SART1: variants seen among roughly 807,000 people sequenced by gnomAD.
The protein encoded by SART1 is U4/U6.U5 tri-snRNP-associated protein 1.
A neutral mutation model predicts 105.0 loss-of-function variants in SART1; 28 were observed. The observed-to-expected ratio is 0.27, with a 90% CI of 0.20 to 0.37. SART1 has a LOEUF of 0.37. SART1 is among the 10% of genes least tolerant of loss of function. The pLI, the probability that SART1 is intolerant of heterozygous loss-of-function variation, is 1.00. For synonymous variants in SART1, 472 were observed against 462.9 expected (o/e 1.02, Z -0.25); for missense variants, 894 against 1,106.5 (o/e 0.81, Z 2.72).
At position 65,966,372 on chromosome 11, in the gene SART1, C is replaced by T. The variant is rs761707434; in HGVS notation, c.1004C>T (p.Ser335Phe). 1.5e-5 allele frequency: 24 copies of T among 1,613,894 alleles called. No homozygotes were observed. Among genetic ancestry groups the T allele is most frequent in the Non-Finnish European group, 1.9e-5 (22 of 1,180,034 alleles). Reference protein sequence around the residue: ...LAQQKPRSILSKYDEELEGER... With the variant: ...LAQQKPRSILFKYDEELEGER... ...CAGCAAAAACCTCGCTCTATCCTGT[C>T]CAAGTATGACGAAGAGCTTGAAGGG... Residue 335 changes from serine to phenylalanine, a missense_variant, in exon 9 of 20, where the codon TCC (serine) becomes TTC (phenylalanine). This residue lies in a region of SART1 where 712 missense variants were observed against 778.2 expected (regional missense o/e 0.91). Coordinates refer to ENST00000312397, the MANE Select transcript of SART1 (RefSeq NM_005146.5).
At chr11:65,962,358 T>C (rs1433013702) in intron 1 of SART1, among the ~76,000 whole-genome samples, 3 of 152,188 alleles carry the variant, frequency 2.0e-5, no homozygotes, top group Admixed American at 2.0e-4. Flanking sequence ...TACGGTTGTT[T>C]AGGATTAGAG....
In SART1 at chr11:65,966,371, T is replaced by C. The variant is rs1855257243; in HGVS notation, c.1003T>C (p.Ser335Pro). Residue 335 changes from serine (S) to proline (P), a missense_variant, in exon 9 of 20, where the codon TCC (serine) becomes CCC (proline). Coordinates refer to ENST00000312397, the MANE Select transcript of SART1 (RefSeq NM_005146.5). ...GCAGCAAAAACCTCGCTCTATCCTG[T>C]CCAAGTATGACGAAGAGCTTGAAGG... is the stretch of plus-strand genomic sequence containing the variant. The part of the protein sequence containing the change: ...LAQQKPRSIL[S>P]KYDEELEGER... 6.2e-7 allele frequency: 1 copy of C among 1,613,854 alleles called. No homozygotes were observed. Among genetic ancestry groups the C allele is most frequent in the Non-Finnish European group, 8.5e-7 (1 of 1,180,022 alleles).
At chr11:65,972,224 C>T (rs1459703006) in intron 12 of SART1, among the ~76,000 whole-genome samples, 1 of 152,074 alleles carries the variant, frequency 6.6e-6, no homozygotes, top group African/African-American at 2.4e-5. Flanking sequence ...AAAGTAGGGG[C>T]ATTGTGGCAG....
rs776899553 is a variant in SART1 at position 65,961,776 on chromosome 11, C to T, written c.-5C>T. ...GGCAGCCGGGCTCGGAGTGGACGTGCCACTATGGGGTCGTCCAAGAAGCAT... is the reference window on the plus strand; with the variant it reads ...GGCAGCCGGGCTCGGAGTGGACGTGTCACTATGGGGTCGTCCAAGAAGCAT... On this transcript the variant is annotated 5_prime_UTR_variant, in exon 1 of 20. Transcript: ENST00000312397. 1 of 1,507,520 alleles carries T rather than the reference C, an allele frequency of 6.6e-7. No homozygotes were observed. Among genetic ancestry groups the T allele is most frequent in the South Asian group, 1.3e-5 (1 of 77,348 alleles). The allele number at this position is 1,507,520 out of a possible 1,614,324, so 93.4% of individuals were successfully genotyped here.
At chr11:65,964,691 C>T (rs189728908) in intron 3 of SART1, 121 bp downstream of exon 3, 13 of 1,005,892 alleles carry the variant, frequency 1.3e-5, no homozygotes, top group East Asian at 7.8e-5. Flanking sequence ...GCATATTTGC[C>T]GGAAGGCATG....
intron 5 of SART1, 65 bp from the exon 6 acceptor site, chr11:65,965,637 C>A: frequency 6.6e-7 from 1 of 1,523,758 alleles, no homozygotes; most frequent in Non-Finnish European, 9.0e-7. Context: ...CTTGGTAGAG[C>A]CCTGAGTGTT....
rs953414397 is a variant in SART1, at chr11:65,976,188, T to C, written c.1573-207T>C. 1.3e-5 allele frequency among the ~76,000 whole-genome samples: 2 copies of C among 152,080 alleles called. No individual in the cohort carries two copies. Among genetic ancestry groups the C allele is most frequent in the African/African-American group, 2.4e-5 (1 of 41,412 alleles). On this transcript the variant is annotated intron_variant, in intron 12 of 19. Coordinates refer to ENST00000312397, the MANE Select transcript of SART1 (RefSeq NM_005146.5). The surrounding 1 kb of genome is among the most constrained non-coding windows in gnomAD (Gnocchi z 5.1). Reference sequence around the variant, plus strand: ...ATGTTGGGTATTCATTCAAAGGGCATCCAAACCCATTGATGGGTTTGGAGC... The same window carrying C: ...ATGTTGGGTATTCATTCAAAGGGCACCCAAACCCATTGATGGGTTTGGAGC...
rs1178563856 is a variant in SART1, at chr11:65,965,682, C to T, written c.661-20C>T. On this transcript the variant is annotated intron_variant, in intron 5 of 19. Transcript: ENST00000312397. Reference sequence around the variant, plus strand: ...TGCTGAGTGGCCTGAAGTCCTAGGTCACCCCTCCCTGTCCCGTAGGCCAAG... The same window carrying T: ...TGCTGAGTGGCCTGAAGTCCTAGGTTACCCCTCCCTGTCCCGTAGGCCAAG... The T allele has an allele frequency of 3.7e-6, 6 of 1,609,548 alleles. No individual in the cohort carries two copies. The highest frequency in any genetic ancestry group is 5.1e-6 in the Non-Finnish European group (6 of 1,177,210).
intron 11 of SART1, 41 bp downstream of exon 11, chr11:65,967,627 G>C (rs1162194993): frequency 6.2e-7 from 1 of 1,601,418 alleles, no homozygotes; most frequent in Admixed American, 1.7e-5. Context: ...AGGGACAGGA[G>C]CCGCGGGTTG....
intron 2 of SART1, 46 bp downstream of exon 2, chr11:65,964,177 T>C: frequency 6.4e-7 from 1 of 1,557,284 alleles, no homozygotes. Context: ...CTAAGAGAGG[T>C]GGCTCTGGGG....
intron 3 of SART1, 96 bp from the exon 4 acceptor site, chr11:65,964,996 T>C (rs1387257935): frequency 6.9e-7 from 1 of 1,442,888 alleles, no homozygotes; most frequent in South Asian, 1.5e-5. Flanking sequence ...TGACCCCTTC[T>C]GGCCCCCTGA....
Position 65,961,948 on chromosome 11 carries a change from C to T in SART1, c.168C>T (p.Ser56=), listed in dbSNP as rs1318939307. ...GCGGTGGCGAACGACGGAAGCGGAGCCGGGAACGTGGGGGCGAGCGCGGGA... is the reference window on the plus strand; with the variant it reads ...GCGGTGGCGAACGACGGAAGCGGAGTCGGGAACGTGGGGGCGAGCGCGGGA... ...GGSGGERRKR[S]RERGGERGSG... Residue 56 remains serine (S), a synonymous_variant, in exon 1 of 20, where the codon AGC becomes AGT. Coordinates refer to ENST00000312397, the MANE Select transcript of SART1 (RefSeq NM_005146.5). 3.9e-6 allele frequency: 6 copies of T among 1,525,974 alleles called. No individual in the cohort carries two copies. In the Admixed American group the frequency reaches 1.0e-4, roughly 26 times the overall value. The allele number at this position is 1,525,974 out of a possible 1,614,324, so 94.5% of individuals were successfully genotyped here. A position where few individuals can be genotyped will look rare whatever the true frequency, so the allele number is the denominator to read the frequency against.
At chr11:65,974,750 TC>T (rs1394658818) in intron 12 of SART1, among the ~76,000 whole-genome samples, 1 of 151,920 alleles carries the variant, frequency 6.6e-6, no homozygotes, top group African/African-American at 2.4e-5. Flanking sequence ...AAATAAGTGT[TC>T]CTGGCCAGGC....
rs142409678 is a variant in SART1, at chr11:65,966,111, G to A, written c.874G>A (p.Val292Met). Residue 292 changes from valine (V) to methionine (M), a missense_variant, in exon 8 of 20, where the codon GTG becomes ATG. This residue lies in a region of SART1 where 712 missense variants were observed against 778.2 expected (regional missense o/e 0.91). Transcript: ENST00000312397. ...GGAGGAGGAGGACGTGCTGGTGAAC[G>A]TGAACCTGGTGGATAAGGAGCGGGC... Reference protein sequence around the residue: ...LQEEEDVLVNVNLVDKERAEK... With the variant: ...LQEEEDVLVNMNLVDKERAEK... 1.1e-5 allele frequency: 17 copies of A among 1,613,886 alleles called. No individual in the cohort carries two copies. The highest frequency in any genetic ancestry group is 3.3e-5 in the Admixed American group (2 of 59,998).
In SART1 at chr11:65,976,461, C is replaced by G. The variant is rs149897859; in HGVS notation, c.1639C>G (p.Arg547Gly). Residue 547 changes from arginine (R) to glycine (G), a missense_variant, in exon 13 of 20, where the codon CGG (arginine) becomes GGG (glycine). Arg to Gly is a moderately radical substitution (Grantham distance 125, BLOSUM62 -2). Transcript: ENST00000312397. This position sits in a 1 kb window ranked among gnomAD's most constrained non-coding sequence, Gnocchi z 5.1. ...RGWEEDEDPE[R>G]KGAIVFNATS... ...CTGGGAGGAGGATGAGGATCCCGAGCGGAAGGGGGCCATCGTGTTCAACGC... is the reference window on the plus strand; with the variant it reads ...CTGGGAGGAGGATGAGGATCCCGAGGGGAAGGGGGCCATCGTGTTCAACGC... 6.4e-7 allele frequency: 1 copy of G among 1,569,898 alleles called. No homozygotes were observed. Among genetic ancestry groups the G allele is most frequent in the Non-Finnish European group, 8.6e-7 (1 of 1,159,502 alleles).
rs1183532483 is a variant in SART1, at chr11:65,966,157, G to A, written c.920G>A (p.Arg307Gln). The change falls in exon 8 of 20, where the codon CGG becomes CAG. Residue 307 changes from arginine to glutamine, a missense_variant. Arg to Gln is a conservative substitution (Grantham distance 43). Coordinates refer to ENST00000312397, the MANE Select transcript of SART1 (RefSeq NM_005146.5). Reference sequence around the variant, plus strand: ...CGGGCAGAGAAAAATGTGGAGCTGCGGAAGAAGAAGCCTGACTACCTGCCC... The same window carrying A: ...CGGGCAGAGAAAAATGTGGAGCTGCAGAAGAAGAAGCCTGACTACCTGCCC... Reference protein sequence around the residue: ...KERAEKNVELRKKKPDYLPYA... With the variant: ...KERAEKNVELQKKKPDYLPYA... The A allele has an allele frequency of 9.3e-6, 15 of 1,614,046 alleles. No individual in the cohort carries two copies. The highest frequency in any genetic ancestry group is 6.7e-5 in the East Asian group (3 of 44,884).
At chr11:65,970,597 A>G (rs1377693480) in intron 12 of SART1, among the ~76,000 whole-genome samples, 1 of 146,080 alleles carries the variant, frequency 6.8e-6, no homozygotes, top group African/African-American at 2.5e-5. Flanking sequence ...GGGGAAGTCA[A>G]GGCAGCCCAT....
chr11:65,965,650 C>T (rs1261174080), intron 5 of SART1, 52 bp from the exon 6 acceptor site: 4 of 1,566,986 alleles, frequency 2.6e-6, no homozygotes, highest in Non-Finnish European at 1.7e-6. Flanking sequence ...TGAGTGTTTT[C>T]TGGTGATGCT....
rs1330591736 is a variant in SART1, at chr11:65,976,491, T to A, written c.1669T>A (p.Ser557Thr). The change falls in exon 13 of 20, where the codon TCC becomes ACC. Residue 557 changes from serine to threonine, a missense_variant. Ser to Thr is a moderately conservative substitution (Grantham distance 58). Around this residue, in one of 2 missense-constraint regions of SART1, gnomAD observed 712 missense variants for 778.2 expected, o/e 0.91. Transcript: ENST00000312397. This position sits in a 1 kb window ranked among gnomAD's most constrained non-coding sequence, Gnocchi z 5.1. ...RKGAIVFNATSEFCRTLGEIP... is the reference protein window; with the variant it reads ...RKGAIVFNATTEFCRTLGEIP... ...GGGGGCCATCGTGTTCAACGCCACG[T>A]CCGAGTTCTGCCGCACCTTGGGGGA... is the stretch of plus-strand genomic sequence containing the variant. 4 of 1,583,132 alleles carry A rather than the reference T, an allele frequency of 2.5e-6. No individual in the cohort carries two copies. Among genetic ancestry groups the A allele is most frequent in the Non-Finnish European group, 3.4e-6 (4 of 1,164,466 alleles).
Sources: allele counts gnomAD v4.1 joint callset (sites outside exome capture counted in the v4.1 genomes callset), GRCh38; gene constraint gnomAD v4.1.1; regional missense constraint gnomAD v4.1.1; non-coding constraint Gnocchi (gnomAD v3.1); transcripts MANE v1.5; gene names NCBI Gene and HGNC (gene_info 2026-07-23, HGNC 2026-07-21).